ATP10B: variants seen among roughly 807,000 people sequenced by gnomAD.
ATP10B encodes the protein phospholipid-transporting ATPase VB.
ATP10B carries 122 observed loss-of-function variants against 141.2 expected under a neutral mutation model. The ratio of observed to expected loss-of-function variants is 0.86; its 90% CI spans 0.75 to 1.00. ATP10B has a LOEUF of 1.00. ATP10B is among the 50% of genes least tolerant of loss of function. The pLI, the probability that ATP10B is intolerant of heterozygous loss-of-function variation, is 0.00. For missense variants in ATP10B, 1,876 were observed against 1,825.3 expected (o/e 1.03, Z -0.51); for synonymous variants, 685 against 692.0 (o/e 0.99, Z 0.16).
At chr5:160,634,210 A>C (rs1759168811) in intron 12 of ATP10B, 144 bp downstream of exon 12, 1 of 1,100,254 alleles carries the variant, frequency 9.1e-7, no homozygotes, top group Non-Finnish European at 1.4e-6. Flanking sequence ...GACAAGGAAG[A>C]CCACAGGGAT....
At chr5:160,736,781 G>A (rs1307749386) in intron 2 of ATP10B, among the ~76,000 whole-genome samples, 1 of 152,016 alleles carries the variant, frequency 6.6e-6, no homozygotes, top group African/African-American at 2.4e-5. Context: ...AAGTCTACTA[G>A]TAAAGAAAAG....
At chr5:160,890,904 C>T in the ATP10B span, among the ~76,000 whole-genome samples, 2 of 152,108 alleles carry the variant, frequency 1.3e-5, no homozygotes, top group Non-Finnish European at 1.5e-5. Context: ...AGAGACAGGT[C>T]TCACTATGTT....
the ATP10B span, among the ~76,000 whole-genome samples, chr5:160,925,122 T>C: frequency 1.3e-5 from 2 of 152,254 alleles, no homozygotes; most frequent in African/African-American, 2.4e-5. Context: ...GAGTTTATGT[T>C]TCCTTGAAAG....
chr5:160,578,611 G>A (rs1334163893), intron 24 of ATP10B, among the ~76,000 whole-genome samples: 5 of 152,064 alleles, frequency 3.3e-5, no homozygotes. Flanking sequence ...ATTTGGGTTG[G>A]TTCCAAGTCT....
intron 13 of ATP10B, among the ~76,000 whole-genome samples, chr5:160,625,394 T>C (rs1301401826): frequency 6.6e-6 from 1 of 152,188 alleles, no homozygotes; most frequent in Non-Finnish European, 1.5e-5. Flanking sequence ...TATGGAAAAT[T>C]TCATTTTTTC....
At chr5:160,690,836 C>T (rs904213647) in intron 3 of ATP10B, among the ~76,000 whole-genome samples, 6 of 152,106 alleles carry the variant, frequency 3.9e-5, no homozygotes, top group African/African-American at 1.4e-4. Flanking sequence ...AACCATTTGA[C>T]CCAGCAATCC....
the ATP10B span, among the ~76,000 whole-genome samples, chr5:160,876,338 G>A: frequency 3.5e-4 from 51 of 145,182 alleles, no homozygotes; most frequent in Non-Finnish European, 6.2e-4. Context: ...TGAAACCAAC[G>A]AGAACAAAGA....
chr5:160,646,277 T>C (rs982650940), intron 8 of ATP10B, among the ~76,000 whole-genome samples: 2 of 152,192 alleles, frequency 1.3e-5, no homozygotes, highest in African/African-American at 2.4e-5. Context: ...TTCTGCTGAA[T>C]ATGTCAAGGA....
upstream of ATP10B, among the ~76,000 whole-genome samples, chr5:160,854,819 T>C (rs1256373653): frequency 6.6e-6 from 1 of 152,174 alleles, no homozygotes; most frequent in South Asian, 2.1e-4. Flanking sequence ...GCCAGCACCA[T>C]GTTAAGTGCT....
chr5:160,888,846 C>G, the ATP10B span, among the ~76,000 whole-genome samples: 2 of 152,172 alleles, frequency 1.3e-5, no homozygotes, highest in African/African-American at 4.8e-5. Flanking sequence ...ACAATTTATA[C>G]ACCTATTTTT....
intron 7 of ATP10B, among the ~76,000 whole-genome samples, chr5:160,659,468 TA>T (rs1761754395): frequency 6.6e-6 from 1 of 151,516 alleles, no homozygotes; most frequent in African/African-American, 2.4e-5. Context: ...CCGTCTCAAA[TA>T]AAAACAAAAA....
chr5:160,748,144 A>G (rs953704421), intron 2 of ATP10B, among the ~76,000 whole-genome samples: 1 of 152,146 alleles, frequency 6.6e-6, no homozygotes, highest in Non-Finnish European at 1.5e-5. Context: ...CATGCGGTGT[A>G]GATTACTGCA....
the ATP10B span, among the ~76,000 whole-genome samples, chr5:160,860,903 G>A: frequency 6.6e-6 from 1 of 151,918 alleles, no homozygotes; most frequent in Admixed American, 6.6e-5. Context: ...GGCCATTGCT[G>A]AATAATGGCC....
At chr5:160,644,575 G>A (rs1490963197) in intron 8 of ATP10B, among the ~76,000 whole-genome samples, 1 of 152,134 alleles carries the variant, frequency 6.6e-6, no homozygotes, top group African/African-American at 2.4e-5. Context: ...GCAGGTTGCA[G>A]CAAAGAAGTC....
At chr5:160,638,386 C>T (rs143517334) in intron 10 of ATP10B, among the ~76,000 whole-genome samples, 78 of 152,190 alleles carry the variant, frequency 5.1e-4, no homozygotes, top group Non-Finnish European at 8.5e-4. Context: ...GTCTTTTTCA[C>T]GCTGATATGC....
chr5:160,639,723 G>C (rs1200387774), intron 10 of ATP10B, among the ~76,000 whole-genome samples: 5 of 152,176 alleles, frequency 3.3e-5, no homozygotes, highest in African/African-American at 1.2e-4. Context: ...CAGTGGGGAG[G>C]GGGAGATGGT....
intron 5 of ATP10B, 109 bp downstream of exon 5, chr5:160,687,691 G>A: frequency 7.9e-7 from 1 of 1,262,256 alleles, no homozygotes; most frequent in Non-Finnish European, 1.1e-6. Context: ...CTTGAACCCA[G>A]GAGGTGAAGG....
chr5:160,629,516 A>G (rs1205934724), intron 13 of ATP10B, among the ~76,000 whole-genome samples: 1 of 152,202 alleles, frequency 6.6e-6, no homozygotes. Context: ...CACAAGACCA[A>G]ATATACCAGG....
intron 24 of ATP10B, among the ~76,000 whole-genome samples, chr5:160,588,957 G>A (rs1237295882): frequency 1.3e-5 from 2 of 152,128 alleles, no homozygotes; most frequent in African/African-American, 4.8e-5. Context: ...CCCTAACACA[G>A]CCTCAGGTAT....
Sources: allele counts gnomAD v4.1 joint callset (sites outside exome capture counted in the v4.1 genomes callset), GRCh38; gene constraint gnomAD v4.1.1; transcripts MANE v1.5; gene names NCBI Gene and HGNC (gene_info 2026-07-23, HGNC 2026-07-21).